Variants in GRIK1 observed in about 807,000 individuals in gnomAD.
The protein encoded by GRIK1 is glutamate receptor ionotropic, kainate 1.
Under a neutral mutation model 105.7 loss-of-function variants are expected in GRIK1, and 69 were observed. That is an observed-to-expected ratio of 0.65 (90% CI 0.54 to 0.80). The LOEUF (loss-of-function observed/expected upper bound fraction) is 0.80, where lower values mean the gene tolerates loss of function less well. GRIK1 is among the 30% of genes least tolerant of loss of function. The probability of loss-of-function intolerance (pLI) is 0.00; values close to 1 mark genes in which losing one functional copy is unlikely to be tolerated. For synonymous variants in GRIK1, 438 were observed against 431.3 expected (o/e 1.02, Z -0.19); for missense variants, 1,109 against 1,167.3 (o/e 0.95, Z 0.73).
At chr21:29,841,225 C>A (rs532816055) in intron 1 of GRIK1, among the ~76,000 whole-genome samples, 23 of 152,130 alleles carry the variant, frequency 1.5e-4, no homozygotes, top group African/African-American at 5.1e-4. Flanking sequence ...AATAGAAAAT[C>A]AATATGTCTT....
At chr21:29,720,079 G>A (rs1047213271) in intron 1 of GRIK1, among the ~76,000 whole-genome samples, 8 of 152,136 alleles carry the variant, frequency 5.3e-5, no homozygotes, top group Non-Finnish European at 8.8e-5. Flanking sequence ...GATTTCTTCT[G>A]ATCATGCTTT....
intron 1 of GRIK1, among the ~76,000 whole-genome samples, chr21:29,782,376 G>A (rs2066148055): frequency 6.6e-6 from 1 of 152,028 alleles, no homozygotes; most frequent in Non-Finnish European, 1.5e-5. Context: ...CACTTTTTTC[G>A]GTAATGTTCC....
chr21:29,720,659 C>G (rs938897327), intron 1 of GRIK1, among the ~76,000 whole-genome samples: 1 of 152,182 alleles, frequency 6.6e-6, no homozygotes, highest in African/African-American at 2.4e-5. Flanking sequence ...ACCTCTTCTA[C>G]TTCGCCTGCT....
At chr21:29,868,497 AC>A (rs2068902093) in intron 1 of GRIK1, among the ~76,000 whole-genome samples, 1 of 151,702 alleles carries the variant, frequency 6.6e-6, no homozygotes, top group African/African-American at 2.4e-5. Flanking sequence ...TCTTCTTGAA[AC>A]CTTTTTTCTC....
chr21:29,871,246 T>G (rs1401130420), intron 1 of GRIK1, among the ~76,000 whole-genome samples: 1 of 152,136 alleles, frequency 6.6e-6, no homozygotes, highest in Middle Eastern at 3.2e-3. Flanking sequence ...GCATGATAGG[T>G]GGCCAATTTA....
At chr21:29,902,787 A>G (rs1019744648) in intron 1 of GRIK1, among the ~76,000 whole-genome samples, 1 of 152,220 alleles carries the variant, frequency 6.6e-6, no homozygotes, top group African/African-American at 2.4e-5. Context: ...ACTACTTTAA[A>G]CTTCATATGG....
intron 7 of GRIK1, among the ~76,000 whole-genome samples, chr21:29,624,808 A>G (rs2062085502): frequency 6.6e-6 from 1 of 152,252 alleles, no homozygotes; most frequent in Non-Finnish European, 1.5e-5. Context: ...TGGCTTACGG[A>G]GGACCAAGAA....
chr21:29,658,066 T>C (rs2062888561), intron 4 of GRIK1, among the ~76,000 whole-genome samples: 1 of 152,202 alleles, frequency 6.6e-6, no homozygotes, highest in Non-Finnish European at 1.5e-5. Flanking sequence ...ATGTATACTT[T>C]ATTAGGGCGG....
chr21:29,683,112 T>C (rs987786856), intron 3 of GRIK1, among the ~76,000 whole-genome samples: 1 of 152,130 alleles, frequency 6.6e-6, no homozygotes, highest in South Asian at 2.1e-4. Flanking sequence ...ATGGCTATTA[T>C]TAAAAAGTCA....
intron 7 of GRIK1, among the ~76,000 whole-genome samples, chr21:29,607,991 CAAG>C (rs2061655826): frequency 6.6e-6 from 1 of 152,104 alleles, no homozygotes; most frequent in South Asian, 2.1e-4. Flanking sequence ...AATGTAAAAT[CAAG>C]AAGTTAACTG....
intron 7 of GRIK1, among the ~76,000 whole-genome samples, chr21:29,625,808 C>T (rs1248711360): frequency 6.6e-6 from 1 of 152,120 alleles, no homozygotes; most frequent in East Asian, 1.9e-4. Flanking sequence ...ATATTGATTG[C>T]AAAGTGAATG....
chr21:29,871,657 C>A (rs2146137219), intron 1 of GRIK1, among the ~76,000 whole-genome samples: 1 of 152,108 alleles, frequency 6.6e-6, no homozygotes, highest in South Asian at 2.1e-4. Flanking sequence ...AAAGAAAGGA[C>A]CCTGGACTCA....
intron 7 of GRIK1, among the ~76,000 whole-genome samples, chr21:29,636,808 T>C (rs1169636776): frequency 2.0e-5 from 3 of 152,224 alleles, no homozygotes; most frequent in Non-Finnish European, 4.4e-5. Flanking sequence ...GAAACTTCGT[T>C]TTGTCTCTGC....
chr21:29,829,653 G>T (rs1299400528), intron 1 of GRIK1, among the ~76,000 whole-genome samples: 5 of 152,140 alleles, frequency 3.3e-5, no homozygotes, highest in African/African-American at 1.2e-4. Flanking sequence ...TGATGCAGAT[G>T]AATTTAAGAA....
intron 7 of GRIK1, among the ~76,000 whole-genome samples, chr21:29,633,264 G>A (rs1431903937): frequency 2.4e-5 from 1 of 40,902 alleles, no homozygotes; most frequent in Non-Finnish European, 4.2e-5. Flanking sequence ...CACTTTAGGA[G>A]CTGAGGTGGG....
chr21:29,576,932 T>C (rs2095142276), intron 14 of GRIK1, 32 bp downstream of exon 14: 3 of 1,171,498 alleles, frequency 2.6e-6, no homozygotes, highest in East Asian at 4.7e-5. Context: ...AAGTATCAGA[T>C]AATCACTGAG....
chr21:29,724,234 A>G (rs909492141), intron 1 of GRIK1, among the ~76,000 whole-genome samples: 2 of 152,240 alleles, frequency 1.3e-5, no homozygotes, highest in Admixed American at 1.3e-4. Flanking sequence ...AAATTTTGCA[A>G]CTGATTCATT....
At chr21:29,687,477 T>C (rs1051670678) in intron 3 of GRIK1, among the ~76,000 whole-genome samples, 2 of 152,214 alleles carry the variant, frequency 1.3e-5, no homozygotes, top group Non-Finnish European at 2.9e-5. Flanking sequence ...TCCAATTTAA[T>C]GGCTCAATTG....
chr21:29,708,544 T>C (rs2063969900), intron 1 of GRIK1, among the ~76,000 whole-genome samples: 1 of 152,238 alleles, frequency 6.6e-6, no homozygotes, highest in African/African-American at 2.4e-5. Flanking sequence ...GCGTGGATTG[T>C]ACCTAACATG....
Sources: gnomAD v4.1 joint callset for allele counts (sites outside exome capture counted in the v4.1 genomes callset) on GRCh38, gnomAD v4.1.1 for gene constraint, MANE v1.5 for transcripts, NCBI Gene and HGNC (gene_info 2026-07-23, HGNC 2026-07-21) for gene names.